The following MAP3K20 variants were observed in gnomAD, a reference collection of about 807,000 sequenced individuals.
MAP3K20 encodes HCCS-4.
In MAP3K20, 40 loss-of-function variants were observed where a neutral mutation model predicts 85.7. The ratio of observed to expected loss-of-function variants is 0.47; its 90% CI spans 0.36 to 0.61. The LOEUF (loss-of-function observed/expected upper bound fraction) is 0.61, where lower values mean the gene tolerates loss of function less well. MAP3K20 is among the 20% of genes least tolerant of loss of function. MAP3K20 has a pLI of 0.00. For missense variants in MAP3K20, 817 were observed against 961.7 expected, an observed-to-expected ratio of 0.85 and a Z score of 1.99; for synonymous variants, 325 against 327.7, an observed-to-expected ratio of 0.99 and a Z score of 0.09.
chr2:173,159,672 G>A (rs1309201844), intron 2 of MAP3K20, among the ~76,000 whole-genome samples: 1 of 152,214 alleles, frequency 6.6e-6, no homozygotes, highest in African/African-American at 2.4e-5. Context: ...CTGCAGAGGT[G>A]AGCCACCACA....
chr2:173,232,906 T>C (rs1157821291), intron 14 of MAP3K20, among the ~76,000 whole-genome samples: 1 of 152,210 alleles, frequency 6.6e-6, no homozygotes, highest in Non-Finnish European at 1.5e-5. Context: ...GCTGAAATGC[T>C]TACACAAGTT....
intron 16 of MAP3K20, among the ~76,000 whole-genome samples, chr2:173,252,597 G>A (rs1470039494): frequency 6.6e-6 from 1 of 152,188 alleles, no homozygotes; most frequent in Non-Finnish European, 1.5e-5. Context: ...TCTAGCTAGT[G>A]GAAAGTTCCG....
At chr2:173,205,349 C>T (rs988801041) in intron 9 of MAP3K20, among the ~76,000 whole-genome samples, 1 of 151,920 alleles carries the variant, frequency 6.6e-6, no homozygotes. Flanking sequence ...GAAGAATGGC[C>T]ATAAAATATA....
At chr2:173,144,520 A>G (rs1206254729) in intron 2 of MAP3K20, among the ~76,000 whole-genome samples, 3 of 147,956 alleles carry the variant, frequency 2.0e-5, no homozygotes, top group South Asian at 4.2e-4. Context: ...AAAAGAAAAA[A>G]AAGAGAAAAG....
At chr2:173,229,527 G>A (rs1280590463) in intron 11 of MAP3K20, among the ~76,000 whole-genome samples, 162 bp from the exon 12 acceptor site, 1 of 152,182 alleles carries the variant, frequency 6.6e-6, no homozygotes, top group Non-Finnish European at 1.5e-5. Flanking sequence ...ACTGAGAACT[G>A]CCTCTTAAGG....
chr2:173,237,898 C>G (rs941998141), intron 14 of MAP3K20, among the ~76,000 whole-genome samples: 2 of 152,108 alleles, frequency 1.3e-5, no homozygotes, highest in African/African-American at 4.8e-5. Flanking sequence ...TCTTTCTTGG[C>G]CTCATCCCTG....
intron 16 of MAP3K20, among the ~76,000 whole-genome samples, chr2:173,257,635 C>A (rs565623802): frequency 6.6e-6 from 1 of 152,108 alleles, no homozygotes; most frequent in African/African-American, 2.4e-5. Flanking sequence ...CACATCTAGA[C>A]AAGTCTTTTT....
At chr2:173,209,864 G>T in intron 10 of MAP3K20, 29 bp downstream of exon 10, 7 of 1,584,282 alleles carry the variant, frequency 4.4e-6, no homozygotes, top group Non-Finnish European at 6.1e-6. Flanking sequence ...AGGCCACAGC[G>T]TCTGGCTTTC....
At chr2:173,221,055 T>C in intron 11 of MAP3K20, 1 of 1,039,756 alleles carries the variant, frequency 9.6e-7, no homozygotes, top group Non-Finnish European at 1.3e-6. Flanking sequence ...ATTTACCTCC[T>C]GTGTAGTGCC....
intron 2 of MAP3K20, among the ~76,000 whole-genome samples, chr2:173,137,967 A>AT (rs1181486348): frequency 3.9e-5 from 6 of 152,096 alleles, no homozygotes; most frequent in Admixed American, 1.3e-4. Context: ...AATATTTGTG[A>AT]TTTTTTGTTC....
chr2:173,154,323 A>G (rs1236625639), intron 2 of MAP3K20, among the ~76,000 whole-genome samples: 1 of 152,162 alleles, frequency 6.6e-6, no homozygotes, highest in Non-Finnish European at 1.5e-5. Context: ...AGTTTGGACT[A>G]TAGGCGTGTG....
chr2:173,105,707 G>A (rs1687766703), intron 2 of MAP3K20, among the ~76,000 whole-genome samples: 1 of 152,126 alleles, frequency 6.6e-6, no homozygotes. Context: ...ACCTAGAATA[G>A]GCAATATTCA....
intron 16 of MAP3K20, among the ~76,000 whole-genome samples, chr2:173,255,452 A>T (rs980116061): frequency 6.6e-6 from 1 of 152,212 alleles, no homozygotes. Flanking sequence ...AATCTTTCTG[A>T]GCCTCATTTT....
At chr2:173,136,277 T>C (rs1688797563) in intron 2 of MAP3K20, among the ~76,000 whole-genome samples, 1 of 152,212 alleles carries the variant, frequency 6.6e-6, no homozygotes, top group South Asian at 2.1e-4. Flanking sequence ...GGCTCCTTTT[T>C]CCTGTTCGTT....
chr2:173,181,591 C>T (rs1051160588), intron 3 of MAP3K20, among the ~76,000 whole-genome samples: 1 of 152,136 alleles, frequency 6.6e-6, no homozygotes, highest in Non-Finnish European at 1.5e-5. Flanking sequence ...CACAAATGTT[C>T]ATAGGAGCAT....
At chr2:173,093,998 G>GC in intron 2 of MAP3K20, among the ~76,000 whole-genome samples, 1 of 103,302 alleles carries the variant, frequency 9.7e-6, no homozygotes, top group Admixed American at 1.2e-4. Context: ...GTGGGGTGGG[G>GC]GGAGGGGGGA....
At chr2:173,244,796 G>T (rs909425684) in intron 16 of MAP3K20, among the ~76,000 whole-genome samples, 3 of 152,118 alleles carry the variant, frequency 2.0e-5, no homozygotes, top group Non-Finnish European at 4.4e-5. Flanking sequence ...TGTTGCCTTG[G>T]GCCTTAAAGA....
At chr2:173,265,930 C>T in intron 19 of MAP3K20, 120 bp from the exon 20 acceptor site, 1 of 1,003,098 alleles carries the variant, frequency 1.0e-6, no homozygotes, top group East Asian at 2.6e-5. Context: ...CCTAGAATTT[C>T]TATGAATGGT....
intron 11 of MAP3K20, chr2:173,224,968 G>A: frequency 1.1e-6 from 1 of 882,280 alleles, no homozygotes; most frequent in South Asian, 5.6e-5. Context: ...TTACAAAAAT[G>A]TACATTTAGA....
Sources: gnomAD v4.1 joint callset for allele counts (sites outside exome capture counted in the v4.1 genomes callset) on GRCh38, gnomAD v4.1.1 for gene constraint, MANE v1.5 for transcripts, NCBI Gene and HGNC (gene_info 2026-07-23, HGNC 2026-07-21) for gene names.